Variants in ERBB4 observed in about 807,000 individuals in gnomAD.
The protein encoded by ERBB4 is receptor tyrosine-protein kinase erbB-4.
ERBB4 carries 42 observed loss-of-function variants against 158.0 expected under a neutral mutation model. The ratio of observed to expected loss-of-function variants is 0.27; its 90% CI spans 0.21 to 0.34. ERBB4 has a LOEUF of 0.34. Among genes scored for constraint, ERBB4 ranks in the 10% least tolerant of loss-of-function variants. ERBB4 has a pLI of 1.00. For synonymous variants in ERBB4, 583 were observed against 558.7 expected, an observed-to-expected ratio of 1.04 and a Z score of -0.61; for missense variants, 1,333 against 1,624.1, an observed-to-expected ratio of 0.82 and a Z score of 3.08.
chr2:212,384,768 C>T (rs1207502240), intron 1 of ERBB4, among the ~76,000 whole-genome samples: 1 of 150,982 alleles, frequency 6.6e-6, no homozygotes, highest in Non-Finnish European at 1.5e-5. Context: ...TAATGGGAAC[C>T]AATATGGATT....
intron 19 of ERBB4, among the ~76,000 whole-genome samples, chr2:211,600,600 T>A (rs2068769579): frequency 6.6e-6 from 1 of 152,104 alleles, no homozygotes; most frequent in African/African-American, 2.4e-5. Flanking sequence ...TCTGTAAATA[T>A]CTCTTTATTC....
intron 1 of ERBB4, among the ~76,000 whole-genome samples, chr2:212,467,073 G>C (rs1688875100): frequency 6.6e-6 from 1 of 152,178 alleles, no homozygotes; most frequent in African/African-American, 2.4e-5. Context: ...TCTGGCGGAA[G>C]ACATATCTAA....
At chr2:211,608,606 C>T (rs903880762) in intron 19 of ERBB4, among the ~76,000 whole-genome samples, 3 of 152,092 alleles carry the variant, frequency 2.0e-5, no homozygotes, top group Admixed American at 2.0e-4. Context: ...CTTAATGCTA[C>T]ATGTGGTTCT....
chr2:211,946,586 T>C (rs2080702443), intron 3 of ERBB4, among the ~76,000 whole-genome samples: 1 of 136,534 alleles, frequency 7.3e-6, no homozygotes, highest in Admixed American at 7.5e-5. Flanking sequence ...CTTTTTTTTT[T>C]TTTTTTTTTT....
intron 1 of ERBB4, among the ~76,000 whole-genome samples, chr2:212,337,676 A>G (rs2088510278): frequency 6.6e-6 from 1 of 152,150 alleles, no homozygotes; most frequent in South Asian, 2.1e-4. Context: ...ATCTAATGCA[A>G]TCTGAGTTGG....
intron 3 of ERBB4, among the ~76,000 whole-genome samples, chr2:211,886,437 T>C (rs906004612): frequency 6.6e-6 from 1 of 152,096 alleles, no homozygotes; most frequent in African/African-American, 2.4e-5. Context: ...GAAATAAAAA[T>C]GAAAGAAGGA....
intron 1 of ERBB4, among the ~76,000 whole-genome samples, chr2:212,527,177 A>T (rs552295310): frequency 4.3e-4 from 65 of 152,234 alleles, no homozygotes; most frequent in African/African-American, 1.5e-3. Context: ...AAACCATCTT[A>T]AAAACATAAT....
At chr2:211,953,043 G>A (rs1003021992) in intron 2 of ERBB4, among the ~76,000 whole-genome samples, 1 of 151,926 alleles carries the variant, frequency 6.6e-6, no homozygotes, top group African/African-American at 2.4e-5. Flanking sequence ...CCTAAATATA[G>A]ACTCTGGCGC....
intron 12 of ERBB4, among the ~76,000 whole-genome samples, chr2:211,701,623 C>T (rs780186113): frequency 7.9e-5 from 12 of 151,672 alleles, no homozygotes; most frequent in South Asian, 2.1e-4. Context: ...CCGGGCGCGG[C>T]GGCGGGCGCC....
At chr2:212,257,346 T>C (rs770213190) in intron 1 of ERBB4, among the ~76,000 whole-genome samples, 1 of 152,162 alleles carries the variant, frequency 6.6e-6, no homozygotes, top group Non-Finnish European at 1.5e-5. Flanking sequence ...AATTCTGAAG[T>C]AATTAGGGTT....
At chr2:211,439,666 A>G (rs1257587524) in intron 20 of ERBB4, among the ~76,000 whole-genome samples, 1 of 152,168 alleles carries the variant, frequency 6.6e-6, no homozygotes, top group African/African-American at 2.4e-5. Flanking sequence ...CTGTACATCA[A>G]TTTCCTTGTC....
intron 4 of ERBB4, among the ~76,000 whole-genome samples, chr2:211,760,300 A>G (rs550514117): frequency 6.6e-6 from 1 of 152,362 alleles, no homozygotes; most frequent in South Asian, 2.1e-4. Context: ...TCCTAGCTCC[A>G]GGAGTGTGCC....
At chr2:211,819,072 A>G (rs189000150) in intron 3 of ERBB4, among the ~76,000 whole-genome samples, 260 of 152,208 alleles carry the variant, frequency 1.7e-3, no homozygotes, top group Admixed American at 4.3e-3. Context: ...ATAAAACCCA[A>G]ATAATCTGAT....
At chr2:211,938,768 G>A (rs2080400939) in intron 3 of ERBB4, among the ~76,000 whole-genome samples, 1 of 152,130 alleles carries the variant, frequency 6.6e-6, no homozygotes, top group Non-Finnish European at 1.5e-5. Flanking sequence ...CAAGCATGTA[G>A]AGATAATTTA....
intron 2 of ERBB4, among the ~76,000 whole-genome samples, chr2:211,961,640 C>G (rs757911032): frequency 4.9e-4 from 74 of 152,138 alleles, no homozygotes; most frequent in Admixed American, 6.6e-4. Flanking sequence ...CACACCACCA[C>G]CTATGGTTTC....
Position 212,223,796 on chromosome 2 carries a change from A to G in ERBB4, c.83-98893T>C, listed in dbSNP as rs145019440. On this transcript the variant is annotated intron_variant, in intron 1 of 27. Coordinates refer to ENST00000342788, the MANE Select transcript of ERBB4 (RefSeq NM_005235.3). ...CTGATATATAAGCTTTTATCACCCA[A>G]TGTAACACTATCACACTGAACTAGA... 8.0e-3 allele frequency among the ~76,000 whole-genome samples: 1,212 copies of G among 151,832 alleles called. 7 individuals are homozygous for G. Among genetic ancestry groups the G allele is most frequent in the Non-Finnish European group, 0.012 (831 of 67,770 alleles).
chr2:212,196,591 T>C (rs924935284), intron 1 of ERBB4, among the ~76,000 whole-genome samples: 2 of 152,160 alleles, frequency 1.3e-5, no homozygotes, highest in African/African-American at 4.8e-5. Context: ...TTCTAAATGA[T>C]GCAATATAAT....
chr2:211,813,304 A>G (rs143994181), intron 3 of ERBB4, among the ~76,000 whole-genome samples: 63 of 152,368 alleles, frequency 4.1e-4, no homozygotes, highest in African/African-American at 1.3e-3. Flanking sequence ...AGATTAGGGT[A>G]ACATGCTGCC....
chr2:211,652,213 AT>A (rs2071013845), intron 16 of ERBB4, among the ~76,000 whole-genome samples: 1 of 152,170 alleles, frequency 6.6e-6, no homozygotes. Context: ...TAACCTTGGT[AT>A]TTTATGGCTA....
Sources: gnomAD v4.1 joint callset for allele counts (sites outside exome capture counted in the v4.1 genomes callset) on GRCh38, gnomAD v4.1.1 for gene constraint, MANE v1.5 for transcripts, NCBI Gene and HGNC (gene_info 2026-07-23, HGNC 2026-07-21) for gene names.